Variants in TCF24 observed in about 807,000 individuals in gnomAD.
TCF24 encodes transcription factor 24.
Under a neutral mutation model 9.3 loss-of-function variants are expected in TCF24, and 5 were observed. The observed-to-expected ratio is 0.54, with a 90% CI of 0.28 to 1.13. The LOEUF is 1.13. TCF24 is among the 50% of genes most tolerant of loss of function. The pLI is 0.09. For synonymous variants in TCF24, 110 were observed against 115.8 expected (o/e 0.95, Z 0.32); for missense variants, 220 against 236.1 (o/e 0.93, Z 0.45).
At chr8:66,948,254 C>A in intron 3 of TCF24, 90 bp from the exon 4 acceptor site, 2 of 768,790 alleles carry the variant, frequency 2.6e-6, no homozygotes, top group Non-Finnish European at 1.9e-6. Context: ...GTAAATAGCC[C>A]AATGCAAATG....
intron 3 of TCF24, among the ~76,000 whole-genome samples, chr8:66,953,730 C>T (rs987208156): frequency 6.9e-4 from 105 of 152,216 alleles, no homozygotes; most frequent in African/African-American, 2.3e-3. Context: ...CTTTCAGGTA[C>T]ACCAATCAGA....
intron 3 of TCF24, among the ~76,000 whole-genome samples, chr8:66,957,360 T>A (rs1319980755): frequency 7.1e-6 from 1 of 141,592 alleles, no homozygotes; most frequent in African/African-American, 2.7e-5. Context: ...GAGGTTGCAG[T>A]GAGCCGAGAT....
chr8:66,952,515 G>C (rs1433181519), intron 3 of TCF24, among the ~76,000 whole-genome samples: 105 of 147,280 alleles, frequency 7.1e-4, no homozygotes, highest in African/African-American at 2.2e-3. Flanking sequence ...TTACTTCCAA[G>C]TATGTGGTCA....
At chr8:66,950,315 T>A (rs1244893560) in intron 3 of TCF24, among the ~76,000 whole-genome samples, 7 of 150,574 alleles carry the variant, frequency 4.6e-5, no homozygotes, top group African/African-American at 1.7e-4. Context: ...AGTTTCAGCT[T>A]TCTACATATG....
chr8:66,958,258 T>A (rs1380967962), intron 3 of TCF24, among the ~76,000 whole-genome samples: 1 of 152,206 alleles, frequency 6.6e-6, no homozygotes, highest in Non-Finnish European at 1.5e-5. Flanking sequence ...CAACAGTTTG[T>A]TTCAGGATTG....
At chr8:66,954,277 G>A (rs1315746284) in intron 3 of TCF24, among the ~76,000 whole-genome samples, 7 of 151,346 alleles carry the variant, frequency 4.6e-5, no homozygotes, top group African/African-American at 7.3e-5. Flanking sequence ...TTTTTGGTGT[G>A]GATGTCCTTT....
intron 3 of TCF24, among the ~76,000 whole-genome samples, chr8:66,948,701 AT>A: frequency 6.9e-6 from 1 of 144,384 alleles, no homozygotes; most frequent in Non-Finnish European, 1.5e-5. Flanking sequence ...CTATCTATCT[AT>A]CTATTTTTTT....
In TCF24 at chr8:66,961,537, G is replaced by A. The variant is rs1381689172; in HGVS notation, c.229C>T (p.Pro77Ser). 1 of 1,509,386 alleles carries A rather than the reference G, an allele frequency of 6.6e-7. No individual in the cohort carries two copies. The highest frequency in any genetic ancestry group is 8.8e-7 in the Non-Finnish European group (1 of 1,136,040). The allele number at this position is 1,509,386 out of a possible 1,614,324, so 93.5% of individuals were successfully genotyped here. A position where few individuals can be genotyped will look rare whatever the true frequency, so the allele number is the denominator to read the frequency against. Reference protein sequence around the residue: ...HAFLELQRTLPSVPPDTKLSK... With the variant: ...HAFLELQRTLSSVPPDTKLSK... ...AGCTTGGTGTCGGGCGGCACGGACG[G>A]CAGCGTGCGCTGCAGCTCCAGGAAA... is the stretch of plus-strand genomic sequence containing the variant. Residue 77 changes from proline to serine, a missense_variant, in exon 3 of 4, where the codon CCG becomes TCG. Coordinates refer to ENST00000563496, the MANE Select transcript of TCF24 (RefSeq NM_001193502.2).
At chr8:66,952,571 G>T (rs1283953194) in intron 3 of TCF24, among the ~76,000 whole-genome samples, 1 of 151,702 alleles carries the variant, frequency 6.6e-6, no homozygotes, top group Non-Finnish European at 1.5e-5. Flanking sequence ...TGCATATTCT[G>T]TTGATTTGGG....
intron 3 of TCF24, chr8:66,955,264 C>T (rs762045922): frequency 6.6e-6 from 1 of 152,036 alleles, no homozygotes; most frequent in Non-Finnish European, 1.5e-5. Context: ...AAACATATTA[C>T]ATGAGTAGTT....
chr8:66,959,779 A>T (rs1254717911), intron 3 of TCF24, among the ~76,000 whole-genome samples: 2 of 152,202 alleles, frequency 1.3e-5, no homozygotes, highest in Non-Finnish European at 2.9e-5. Context: ...TTGGCTTTGG[A>T]TCATTATCTC....
chr8:66,956,011 C>T (rs1814145751), intron 3 of TCF24, among the ~76,000 whole-genome samples: 1 of 152,256 alleles, frequency 6.6e-6, no homozygotes, highest in South Asian at 2.1e-4. Flanking sequence ...TGGCTCACTG[C>T]AGCTTAAACC....
In TCF24 at chr8:66,961,566, T is replaced by C; in HGVS notation, c.200A>G (p.His67Arg). 2 of 1,495,406 alleles carry C rather than the reference T, an allele frequency of 1.3e-6. No individual in the cohort carries two copies. The highest frequency in any genetic ancestry group is 1.2e-5 in the South Asian group (1 of 80,104). The allele number at this position is 1,495,406 out of a possible 1,614,324, so 92.6% of individuals were successfully genotyped here. A position where few individuals can be genotyped will look rare whatever the true frequency, so the allele number is the denominator to read the frequency against. The change falls in exon 3 of 4, where the codon CAC becomes CGC. Residue 67 changes from histidine to arginine, a missense_variant. Transcript: ENST00000563496. ...RERSRVQTLR[H>R]AFLELQRTLP... is the part of the protein sequence containing the mutation. ...CGTGCGCTGCAGCTCCAGGAAAGCG[T>C]GCCGCAGGGTCTGCACCCGGCTGCG...
rs1414365422 is a variant in TCF24, at chr8:66,948,057, C to T, written c.498G>A (p.Gln166=). The change falls in exon 4 of 4, where the codon CAG becomes CAA. Residue 166 remains glutamine (Q), a synonymous_variant. Transcript: ENST00000563496. ...GCCCCCACCAGGGGAGAGCCTAAGG[C>T]TGTGAGTCTGTTGGAGTGTTGTCAT... The part of the protein sequence containing the change: ...TNHDNTPTDS[Q]P The T allele has an allele frequency of 6.5e-6, 10 of 1,530,598 alleles. No individual in the cohort carries two copies. Among genetic ancestry groups the T allele is most frequent in the Non-Finnish European group, 8.7e-6 (10 of 1,144,900 alleles). The allele number at this position is 1,530,598 out of a possible 1,614,324, so 94.8% of individuals were successfully genotyped here.
chr8:66,961,496 C>T lies in TCF24; in HGVS notation c.270G>A (p.Val90=). ...PPDTKLSKLD[V]LLLATTYIAH... ...CGATGTAGGTGGTGGCCAGCAGCAG[C>T]ACGTCCAGCTTGGACAGCTTGGTGT... Residue 90 remains valine (V), a synonymous_variant, in exon 3 of 4, where the codon GTG becomes GTA. Transcript: ENST00000563496. The T allele has an allele frequency of 2.0e-6, 3 of 1,527,336 alleles. No homozygotes were observed. The highest frequency in any genetic ancestry group is 2.6e-6 in the Non-Finnish European group (3 of 1,143,734). The allele number at this position is 1,527,336 out of a possible 1,614,324, so 94.6% of individuals were successfully genotyped here.
chr8:66,961,504 G>C lies in TCF24; in HGVS notation c.262C>G (p.Leu88Val). 6.6e-7 allele frequency: 1 copy of C among 1,523,660 alleles called. No homozygotes were observed. The highest frequency in any genetic ancestry group is 8.8e-7 in the Non-Finnish European group (1 of 1,142,264). The allele number at this position is 1,523,660 out of a possible 1,614,324, so 94.4% of individuals were successfully genotyped here. ...GTGGTGGCCAGCAGCAGCACGTCCA[G>C]CTTGGACAGCTTGGTGTCGGGCGGC... ...SVPPDTKLSK[L>V]DVLLLATTYI... Residue 88 changes from leucine to valine, a missense_variant, in exon 3 of 4, where the codon CTG becomes GTG. Coordinates refer to ENST00000563496, the MANE Select transcript of TCF24 (RefSeq NM_001193502.2).
In TCF24 at chr8:66,946,648, G is replaced by A. The variant is rs993528780; in HGVS notation, c.*1403C>T. 2.0e-5 allele frequency: 3 copies of A among 151,982 alleles called. No individual in the cohort carries two copies. Among genetic ancestry groups the A allele is most frequent in the African/African-American group, 7.3e-5 (3 of 41,378 alleles). 9.4% of individuals were successfully genotyped at this position (151,982 alleles called of 1,614,324 possible). A position where few individuals can be genotyped will look rare whatever the true frequency, so the allele number is the denominator to read the frequency against. ...ATACCAAAACCTATCATCATATCTA[G>A]CAATTTAATAAAATGTTATGAAAAT... is the stretch of plus-strand genomic sequence containing the variant. On this transcript the variant is annotated 3_prime_UTR_variant, in exon 4 of 4. Coordinates refer to ENST00000563496, the MANE Select transcript of TCF24 (RefSeq NM_001193502.2).
rs764358081 is a variant in TCF24 at position 66,947,937 on chromosome 8, T to C, written c.*114A>G. ...ATAAACCTGAACATCCAACTATGGG[T>C]TCACATGTAAACTTTCAGAAATTTT... On this transcript the variant is annotated 3_prime_UTR_variant, in exon 4 of 4. Transcript: ENST00000563496. The C allele has an allele frequency of 5.8e-6, 4 of 689,412 alleles. No homozygotes were observed. The highest frequency in any genetic ancestry group is 9.2e-6 in the Non-Finnish European group (4 of 436,026). The allele number at this position is 689,412 out of a possible 1,614,324, so 42.7% of individuals were successfully genotyped here.
At chr8:66,954,376 G>C (rs1417331742) in intron 3 of TCF24, among the ~76,000 whole-genome samples, 19 of 151,970 alleles carry the variant, frequency 1.3e-4, no homozygotes, top group Admixed American at 1.1e-3. Flanking sequence ...GTGTGCCCCT[G>C]CTCGGGGGTG....
Sources: gnomAD v4.1 joint callset for allele counts (sites outside exome capture counted in the v4.1 genomes callset) on GRCh38, gnomAD v4.1.1 for gene constraint, MANE v1.5 for transcripts, NCBI Gene and HGNC (gene_info 2026-07-23, HGNC 2026-07-21) for gene names.